Variants in YTHDC2 observed in about 807,000 individuals in gnomAD.
YTHDC2 encodes YTH N6-methyladenosine RNA binding protein C2, also known as 3'-5' RNA helicase YTHDC2.
In YTHDC2, 45 loss-of-function variants were observed where a neutral mutation model predicts 174.9. That is an observed-to-expected ratio of 0.26 (90% CI 0.20 to 0.33). The LOEUF is 0.33. YTHDC2 is among the 10% of genes least tolerant of loss of function. YTHDC2 has a pLI of 1.00. For missense variants in YTHDC2, 1,650 were observed against 1,723.7 expected, an observed-to-expected ratio of 0.96 and a Z score of 0.76; for synonymous variants, 657 against 574.5, an observed-to-expected ratio of 1.14 and a Z score of -2.05.
chr5:113,545,138 C>T (rs1361888761), intron 10 of YTHDC2, among the ~76,000 whole-genome samples: 1 of 151,990 alleles, frequency 6.6e-6, no homozygotes, highest in Non-Finnish European at 1.5e-5. Context: ...AATAAGCTTT[C>T]TCTGTTTGTC....
At position 113,534,534 on chromosome 5, in the gene YTHDC2, G is replaced by C. The variant is rs1440433371; in HGVS notation, c.945+127G>C. 3 of 656,306 alleles carry C rather than the reference G, an allele frequency of 4.6e-6. No individual in the cohort carries two copies. The African/African-American group carries it at 5.4e-5, about 12-fold the overall frequency. 40.7% of individuals were successfully genotyped at this position (656,306 alleles called of 1,614,324 possible). A position where few individuals can be genotyped will look rare whatever the true frequency, so the allele number is the denominator to read the frequency against. ...CATTTTTGGAATAGGGTAGAAAAGA[G>C]AACCAACTTATTCTTTTGAACAGGC... On this transcript the variant is annotated intron_variant, in intron 6 of 29. Transcript: ENST00000161863.
At chr5:113,577,259 C>T (rs1778115106) in intron 23 of YTHDC2, among the ~76,000 whole-genome samples, 2 of 151,980 alleles carry the variant, frequency 1.3e-5, no homozygotes, top group South Asian at 4.2e-4. Flanking sequence ...CTCTTTACTG[C>T]CTTTCTGTTA....
chr5:113,552,250 C>T (rs1021988513), intron 12 of YTHDC2, among the ~76,000 whole-genome samples: 1 of 152,058 alleles, frequency 6.6e-6, no homozygotes, highest in Non-Finnish European at 1.5e-5. Flanking sequence ...TGTTCACAGA[C>T]TTATGCAATC....
intron 23 of YTHDC2, among the ~76,000 whole-genome samples, chr5:113,569,303 T>C (rs1435284532): frequency 2.6e-5 from 4 of 152,238 alleles, no homozygotes; most frequent in African/African-American, 7.2e-5. Context: ...GTCTGTTTCC[T>C]CTGATGATAG....
intron 2 of YTHDC2, among the ~76,000 whole-genome samples, chr5:113,521,315 T>C (rs954534084): frequency 1.3e-5 from 2 of 152,222 alleles, no homozygotes; most frequent in African/African-American, 4.8e-5. Flanking sequence ...ACACAGTTAA[T>C]ACTTAACTAA....
intron 7 of YTHDC2, among the ~76,000 whole-genome samples, chr5:113,538,429 C>G (rs1775229342): frequency 1.3e-5 from 2 of 152,140 alleles, no homozygotes; most frequent in African/African-American, 4.8e-5. Context: ...AACGATATCC[C>G]TCTCCATTCC....
chr5:113,592,449 G>T, intron 28 of YTHDC2: 1 of 255,690 alleles, frequency 3.9e-6, no homozygotes. Context: ...TATTCTAGTG[G>T]CTTGTTTATT....
chr5:113,577,133 T>C (rs1778107079), intron 23 of YTHDC2, among the ~76,000 whole-genome samples: 1 of 152,190 alleles, frequency 6.6e-6, no homozygotes, highest in East Asian at 1.9e-4. Flanking sequence ...TTGGTATCTT[T>C]AACCTTTTTG....
chr5:113,566,350 A>G (rs184660693), intron 21 of YTHDC2, among the ~76,000 whole-genome samples: 1 of 151,240 alleles, frequency 6.6e-6, no homozygotes, highest in African/African-American at 2.4e-5. Flanking sequence ...ATGAATACTT[A>G]TTTAGTTCTG....
At chr5:113,584,591 A>G in intron 26 of YTHDC2, 112 bp downstream of exon 26, 1 of 980,904 alleles carries the variant, frequency 1.0e-6, no homozygotes, top group Non-Finnish European at 1.5e-6. Context: ...GGCCTCTTCT[A>G]GATGTAAGTT....
intron 17 of YTHDC2, among the ~76,000 whole-genome samples, chr5:113,559,474 T>G (rs943840124): frequency 6.6e-6 from 1 of 152,072 alleles, no homozygotes; most frequent in African/African-American, 2.4e-5. Flanking sequence ...GATAACTCAT[T>G]TTAAGAAGGG....
chr5:113,542,315 A>T, intron 9 of YTHDC2, 53 bp from the exon 10 acceptor site: 1 of 1,580,394 alleles, frequency 6.3e-7, no homozygotes, highest in Non-Finnish European at 8.6e-7. Flanking sequence ...TGTTCTTTGC[A>T]AGCAAATGTT....
At chr5:113,563,765 C>A in intron 19 of YTHDC2, 94 bp from the exon 20 acceptor site, 1 of 1,406,726 alleles carries the variant, frequency 7.1e-7, no homozygotes, top group South Asian at 1.4e-5. Flanking sequence ...AAAAGAAAAT[C>A]TATATTCTTA....
intron 10 of YTHDC2, among the ~76,000 whole-genome samples, chr5:113,545,654 A>G (rs1233986359): frequency 2.6e-5 from 4 of 151,918 alleles, no homozygotes; most frequent in East Asian, 1.9e-4. Context: ...TTGCCTCCCA[A>G]AGTGCTGGGA....
intron 23 of YTHDC2, among the ~76,000 whole-genome samples, chr5:113,570,924 A>AT (rs911347414): frequency 2.0e-5 from 3 of 152,150 alleles, no homozygotes; most frequent in Non-Finnish European, 4.4e-5. Flanking sequence ...ATGTGCTGGG[A>AT]TTATAGGCAT....
intron 26 of YTHDC2, among the ~76,000 whole-genome samples, chr5:113,586,692 G>C (rs1198551540): frequency 6.6e-6 from 1 of 150,818 alleles, no homozygotes; most frequent in Non-Finnish European, 1.5e-5. Flanking sequence ...TATAGTATGG[G>C]TGAGTCAAGA....
chr5:113,557,994 T>G (rs1284891994), intron 17 of YTHDC2, among the ~76,000 whole-genome samples: 1 of 152,206 alleles, frequency 6.6e-6, no homozygotes, highest in East Asian at 1.9e-4. Flanking sequence ...GGGAGTCCAG[T>G]AAATTAAGCA....
intron 17 of YTHDC2, among the ~76,000 whole-genome samples, chr5:113,560,158 A>G (rs1162719649): frequency 6.6e-6 from 1 of 152,178 alleles, no homozygotes; most frequent in African/African-American, 2.4e-5. Flanking sequence ...TCCACCTTAT[A>G]GTCCTGGCTT....
chr5:113,534,258 A>C, intron 5 of YTHDC2, 47 bp from the exon 6 acceptor site: 1 of 1,432,992 alleles, frequency 7.0e-7, no homozygotes. Flanking sequence ...TTTTAGTTAC[A>C]TGAAAAACTT....
Sources: allele counts gnomAD v4.1 joint callset (sites outside exome capture counted in the v4.1 genomes callset), GRCh38; gene constraint gnomAD v4.1.1; transcripts MANE v1.5; gene names NCBI Gene and HGNC (gene_info 2026-07-23, HGNC 2026-07-21).